The following TAFA2 variants were observed in gnomAD, a reference collection of about 807,000 sequenced individuals.
TAFA2 encodes chemokine-like protein TAFA-2.
TAFA2 carries 7 observed loss-of-function variants against 18.8 expected under a neutral mutation model. The ratio of observed to expected loss-of-function variants is 0.37; its 90% CI spans 0.21 to 0.70. The LOEUF is 0.70. Ranked by LOEUF, TAFA2 falls within the 30% of genes least tolerant of loss-of-function variation. The pLI is 0.53. For synonymous variants in TAFA2, 60 were observed against 54.2 expected, an observed-to-expected ratio of 1.11 and a Z score of -0.47; for missense variants, 122 against 158.1, an observed-to-expected ratio of 0.77 and a Z score of 1.23.
At chr12:62,114,084 C>T (rs1171654983) in intron 1 of TAFA2, among the ~76,000 whole-genome samples, 1 of 152,166 alleles carries the variant, frequency 6.6e-6, no homozygotes, top group Non-Finnish European at 1.5e-5. Flanking sequence ...CAAACAGCCA[C>T]CCAATTTTGT....
chr12:61,953,820 G>A (rs1878552914), intron 1 of TAFA2, among the ~76,000 whole-genome samples: 1 of 152,140 alleles, frequency 6.6e-6, no homozygotes, highest in Admixed American at 6.6e-5. Context: ...AGCAAAGTGT[G>A]ACAAGATCAG....
intron 1 of TAFA2, among the ~76,000 whole-genome samples, chr12:62,017,072 C>T (rs1483646349): frequency 6.6e-6 from 1 of 152,068 alleles, no homozygotes; most frequent in Admixed American, 6.6e-5. Context: ...CATAATCCAC[C>T]CCAGCTAATC....
At chr12:62,011,751 T>TAA (rs202026493) in intron 1 of TAFA2, among the ~76,000 whole-genome samples, 1,511 of 102,808 alleles carry the variant, frequency 0.015, 17 homozygotes, top group African/African-American at 0.044. Context: ...CAATAAATAC[T>TAA]AAAAAAAAAA....
intron 4 of TAFA2, among the ~76,000 whole-genome samples, chr12:61,715,114 A>C (rs1464036286): frequency 6.6e-6 from 1 of 151,626 alleles, no homozygotes; most frequent in Non-Finnish European, 1.5e-5. Context: ...AGAAATTCTC[A>C]AACAAGATAC....
intron 1 of TAFA2, among the ~76,000 whole-genome samples, chr12:62,116,996 G>A (rs1286098713): frequency 2.0e-5 from 3 of 152,162 alleles, no homozygotes; most frequent in Non-Finnish European, 2.9e-5. Flanking sequence ...ATACACAGAG[G>A]AAAGACTAGG....
chr12:62,181,996 C>CCCA (rs1555196487), intron 1 of TAFA2, among the ~76,000 whole-genome samples: 1 of 148,666 alleles, frequency 6.7e-6, no homozygotes, highest in Non-Finnish European at 1.5e-5. Context: ...TCCATCCCCC[C>CCCA]CCCGCTACAC....
chr12:62,054,200 A>G (rs767139366), intron 1 of TAFA2, among the ~76,000 whole-genome samples: 4 of 152,234 alleles, frequency 2.6e-5, no homozygotes, highest in Admixed American at 1.3e-4. Flanking sequence ...AAAATTACAT[A>G]CAGTAACAGA....
At chr12:61,846,345 C>T (rs866531796) in intron 2 of TAFA2, among the ~76,000 whole-genome samples, 18 of 152,192 alleles carry the variant, frequency 1.2e-4, no homozygotes, top group Middle Eastern at 6.8e-3. Context: ...TCTTTCTTTT[C>T]TGAGCAAACA....
In TAFA2 at chr12:61,834,693, C is replaced by T. The variant is rs558545789; in HGVS notation, c.106+32627G>A. Among the ~76,000 whole-genome samples, 5 of 152,074 alleles carry T rather than the reference C, an allele frequency of 3.3e-5. 1 individual carries two copies. The highest frequency in any genetic ancestry group is 7.2e-5 in the African/African-American group (3 of 41,528). On this transcript the variant is annotated intron_variant, in intron 2 of 4. Transcript: ENST00000416284. ...TTAGATAACTTCAAACAGTGACAACCTTGCAGATAAAAATAAGTGGGAAAA... is the reference window on the plus strand; with the variant it reads ...TTAGATAACTTCAAACAGTGACAACTTTGCAGATAAAAATAAGTGGGAAAA...
intron 1 of TAFA2, among the ~76,000 whole-genome samples, chr12:62,123,232 A>G (rs1275584348): frequency 1.3e-5 from 2 of 152,188 alleles, no homozygotes; most frequent in Non-Finnish European, 2.9e-5. Flanking sequence ...TCCACACCTC[A>G]TATAGCACTA....
chr12:62,111,837 T>C (rs1041329448), intron 1 of TAFA2, among the ~76,000 whole-genome samples: 1 of 152,232 alleles, frequency 6.6e-6, no homozygotes, highest in Non-Finnish European at 1.5e-5. Flanking sequence ...TTCTATTTGC[T>C]TGGTAAATAA....
chr12:62,101,810 A>T (rs1869219425), intron 1 of TAFA2, among the ~76,000 whole-genome samples: 1 of 152,206 alleles, frequency 6.6e-6, no homozygotes, highest in African/African-American at 2.4e-5. Context: ...AAAGTGTAGC[A>T]CTAGCCAATG....
intron 2 of TAFA2, among the ~76,000 whole-genome samples, chr12:61,835,923 G>C (rs1872901074): frequency 1.3e-5 from 2 of 151,804 alleles, no homozygotes; most frequent in Admixed American, 1.3e-4. Flanking sequence ...AGTTCAGCAG[G>C]GGATATAGTA....
intron 1 of TAFA2, among the ~76,000 whole-genome samples, chr12:61,955,632 A>AAAATAT (rs1878655397): frequency 4.9e-5 from 2 of 41,206 alleles, no homozygotes; most frequent in African/African-American, 1.3e-4. Flanking sequence ...AAAAAAAAAA[A>AAAATAT]ATATATATAT....
At chr12:62,066,126 CGTGT>C (rs3221978) in intron 1 of TAFA2, among the ~76,000 whole-genome samples, 2,553 of 145,548 alleles carry the variant, frequency 0.018, 60 homozygotes, top group African/African-American at 0.059. Context: ...CTGAAACAGC[CGTGT>C]GTGTGTGTGT....
In TAFA2 at chr12:61,904,578, A is replaced by C. The variant is rs181854586; in HGVS notation, c.-1-37152T>G. ...TTTTCTCCTAAATAAAATGGGAATA[A>C]TACTACTAATCCCATTGATGATCAA... On this transcript the variant is annotated intron_variant, in intron 1 of 4. Coordinates refer to ENST00000416284, the MANE Select transcript of TAFA2 (RefSeq NM_178539.5). 7.7e-4 allele frequency among the ~76,000 whole-genome samples: 117 copies of C among 152,296 alleles called. 1 individual carries two copies. Among genetic ancestry groups the C allele is most frequent in the African/African-American group, 2.7e-3 (113 of 41,564 alleles).
chr12:62,097,258 G>T (rs1868992707), intron 1 of TAFA2, among the ~76,000 whole-genome samples: 1 of 152,100 alleles, frequency 6.6e-6, no homozygotes, highest in African/African-American at 2.4e-5. Context: ...TACTTTGAGG[G>T]GGAAGGATAG....
intron 2 of TAFA2, among the ~76,000 whole-genome samples, chr12:61,866,892 T>C (rs2121218091): frequency 6.6e-6 from 1 of 152,226 alleles, no homozygotes; most frequent in Non-Finnish European, 1.5e-5. Flanking sequence ...ATTTTTATTT[T>C]ATTTTATTTT....
chr12:62,201,704 C>T (rs143992177), intron 1 of TAFA2, among the ~76,000 whole-genome samples: 49 of 152,028 alleles, frequency 3.2e-4, no homozygotes, highest in Admixed American at 1.4e-3. Flanking sequence ...GTTGTTGTTG[C>T]TGTTGCTGTA....
Sources: gnomAD v4.1 joint callset for allele counts (sites outside exome capture counted in the v4.1 genomes callset) on GRCh38, gnomAD v4.1.1 for gene constraint, MANE v1.5 for transcripts, NCBI Gene and HGNC (gene_info 2026-07-23, HGNC 2026-07-21) for gene names.